COL11A1: variants seen among roughly 807,000 people sequenced by gnomAD.
COL11A1 encodes collagen type XI alpha 1 chain.
A neutral mutation model predicts 265.2 loss-of-function variants in COL11A1; 74 were observed. The ratio of observed to expected loss-of-function variants is 0.28; its 90% CI spans 0.23 to 0.34. COL11A1 has a LOEUF of 0.34. Ranked by LOEUF, COL11A1 falls within the 10% of genes least tolerant of loss-of-function variation. The probability of loss-of-function intolerance (pLI) is 1.00; values close to 1 mark genes in which losing one functional copy is unlikely to be tolerated. For missense variants in COL11A1, 2,165 were observed against 2,263.6 expected, an observed-to-expected ratio of 0.96 and a Z score of 0.88; for synonymous variants, 816 against 727.6, an observed-to-expected ratio of 1.12 and a Z score of -1.96.
At chr1:103,067,565 G>A (rs890098937) in intron 4 of COL11A1, among the ~76,000 whole-genome samples, 1 of 151,610 alleles carries the variant, frequency 6.6e-6, no homozygotes, top group Non-Finnish European at 1.5e-5. Flanking sequence ...TACTTTGAGA[G>A]GCTAGAGAAA....
In COL11A1 at chr1:102,972,678, G is replaced by T. The variant is rs574127424; in HGVS notation, c.2808+2152C>A. ...CTTCCCAGGCTTCCCCTTTGATCTA[G>T]CTGGTACAGGACAGAGAGAACAAAT... On this transcript the variant is annotated intron_variant, in intron 36 of 66. Coordinates refer to ENST00000370096, the MANE Select transcript of COL11A1 (RefSeq NM_001854.4). Among the ~76,000 whole-genome samples, 21 of 152,180 alleles carry T rather than the reference G, an allele frequency of 1.4e-4. 1 individual carries two copies. Among genetic ancestry groups the T allele is most frequent in the African/African-American group, 4.8e-4 (20 of 41,526 alleles).
chr1:103,082,413 G>A (rs987532598), intron 2 of COL11A1, among the ~76,000 whole-genome samples: 2 of 151,914 alleles, frequency 1.3e-5, no homozygotes, highest in Non-Finnish European at 2.9e-5. Context: ...GTCATTAAGG[G>A]GAAAGATTCC....
At position 102,888,497 on chromosome 1, in the gene COL11A1, T is replaced by C. The variant is rs1386811116; in HGVS notation, c.4608+80A>G. The stretch of plus-strand genomic sequence containing the variant: ...CTTTTGGCAGAATGTGCTTTTTGTC[T>C]ATCTTATAAGTTCAGAGAAATCATT... On this transcript the variant is annotated intron_variant, in intron 62 of 66. Coordinates refer to ENST00000370096, the MANE Select transcript of COL11A1 (RefSeq NM_001854.4). 2.9e-6 allele frequency: 4 copies of C among 1,359,296 alleles called. No individual in the cohort carries two copies. The Admixed American group carries it at 6.9e-5, about 23-fold the overall frequency. 84.2% of individuals were successfully genotyped at this position (1,359,296 alleles called of 1,614,324 possible).
chr1:103,092,813 A>G (rs930012716), intron 1 of COL11A1, among the ~76,000 whole-genome samples: 5 of 152,110 alleles, frequency 3.3e-5, no homozygotes, highest in African/African-American at 7.2e-5. Context: ...AGTACCATTA[A>G]TGTTTCACAT....
intron 42 of COL11A1, among the ~76,000 whole-genome samples, chr1:102,942,878 T>G (rs1054022894): frequency 6.6e-6 from 1 of 152,132 alleles, no homozygotes; most frequent in Admixed American, 6.6e-5. Context: ...ACTATAATTT[T>G]ATCTAGTCCT....
intron 30 of COL11A1, among the ~76,000 whole-genome samples, chr1:102,987,005 G>C (rs1404599003): frequency 6.6e-6 from 1 of 151,970 alleles, no homozygotes; most frequent in Non-Finnish European, 1.5e-5. Context: ...GATTCTACTT[G>C]GTGTAAAACC....
intron 4 of COL11A1, among the ~76,000 whole-genome samples, chr1:103,045,877 T>G (rs1001372028): frequency 6.6e-6 from 1 of 151,992 alleles, no homozygotes; most frequent in Non-Finnish European, 1.5e-5. Context: ...TTTGGTTTTT[T>G]GTCCTTGTGA....
At chr1:103,072,792 A>G (rs1187775295) in intron 4 of COL11A1, among the ~76,000 whole-genome samples, 3 of 151,742 alleles carry the variant, frequency 2.0e-5, no homozygotes, top group Admixed American at 6.6e-5. Context: ...TTAGAAAGTA[A>G]GACCTGAATC....
intron 1 of COL11A1, among the ~76,000 whole-genome samples, chr1:103,102,702 A>G (rs532698519): frequency 1.3e-5 from 2 of 152,154 alleles, no homozygotes; most frequent in Admixed American, 6.6e-5. Context: ...ATTGTATACA[A>G]TGATGGAGAT....
chr1:103,063,834 C>T (rs1049673536), intron 4 of COL11A1, among the ~76,000 whole-genome samples: 1 of 152,106 alleles, frequency 6.6e-6, no homozygotes, highest in African/African-American at 2.4e-5. Flanking sequence ...TTATCCAAAA[C>T]ATACAAAAAG....
At chr1:102,927,445 A>G (rs1043216646) in intron 46 of COL11A1, among the ~76,000 whole-genome samples, 4 of 152,130 alleles carry the variant, frequency 2.6e-5, no homozygotes, top group African/African-American at 7.2e-5. Context: ...GGCCAGGCGC[A>G]GTGGCTCACG....
intron 25 of COL11A1, among the ~76,000 whole-genome samples, chr1:102,997,632 C>G (rs1467595490): frequency 5.3e-5 from 8 of 151,468 alleles, no homozygotes; most frequent in African/African-American, 1.9e-4. Context: ...ACAATTATAC[C>G]CAATAACAAG....
chr1:102,898,024 T>A, intron 57 of COL11A1, 101 bp downstream of exon 57: 1 of 647,922 alleles, frequency 1.5e-6, no homozygotes, highest in East Asian at 3.7e-5. Context: ...TTAGAAAAAA[T>A]ACAAACCTAT....
At position 102,951,109 on chromosome 1, in the gene COL11A1, T is replaced by C. The variant is rs565466848; in HGVS notation, c.3169-4153A>G. 2.0e-5 allele frequency among the ~76,000 whole-genome samples: 3 copies of C among 152,290 alleles called. No individual in the cohort carries two copies. The South Asian group carries it at 6.2e-4, about 32-fold the overall frequency. ...TTATCTAGTCTCGGGCAGTTCTTTATAGCAGCACGAAAATGGACTGATATA... is the reference window on the plus strand; with the variant it reads ...TTATCTAGTCTCGGGCAGTTCTTTACAGCAGCACGAAAATGGACTGATATA... On this transcript the variant is annotated intron_variant, in intron 41 of 66. Transcript: ENST00000370096.
At chr1:103,047,347 G>A (rs947172300) in intron 4 of COL11A1, among the ~76,000 whole-genome samples, 2 of 152,060 alleles carry the variant, frequency 1.3e-5, no homozygotes, top group Non-Finnish European at 2.9e-5. Flanking sequence ...GGATTCCTAG[G>A]TATTTTATTC....
intron 54 of COL11A1, among the ~76,000 whole-genome samples, chr1:102,910,163 T>C (rs1654476732): frequency 6.6e-6 from 1 of 151,918 alleles, no homozygotes; most frequent in Admixed American, 6.6e-5. Context: ...TGTCTCTTTT[T>C]TATGTTTGCA....
At chr1:102,937,818 C>T (rs969459303) in intron 44 of COL11A1, among the ~76,000 whole-genome samples, 8 of 152,106 alleles carry the variant, frequency 5.3e-5, no homozygotes, top group Non-Finnish European at 1.0e-4. Flanking sequence ...AATTATCCAG[C>T]CTCGGGTATT....
At position 102,946,652 on chromosome 1, in the gene COL11A1, A is replaced by G. The variant is rs186154761; in HGVS notation, c.3276+197T>C. ...TCCCTCACAGGTATTACGGTTTCATAAAGTGTGGGAAAATGTCATCTCATT... is the reference window on the plus strand; with the variant it reads ...TCCCTCACAGGTATTACGGTTTCATGAAGTGTGGGAAAATGTCATCTCATT... On this transcript the variant is annotated intron_variant, in intron 42 of 66. Coordinates refer to ENST00000370096, the MANE Select transcript of COL11A1 (RefSeq NM_001854.4). Among the ~76,000 whole-genome samples, 750 of 152,238 alleles carry G rather than the reference A, an allele frequency of 4.9e-3. 3 individuals are homozygous for G. The highest frequency in any genetic ancestry group is 0.01 in the Middle Eastern group (3 of 294).
rs775242256 is a variant in COL11A1 at position 103,008,530 on chromosome 1, G to A, written c.1630-14C>T. The A allele has an allele frequency of 1.4e-5, 23 of 1,612,448 alleles. No individual in the cohort carries two copies. The East Asian group carries it at 3.8e-4, about 27-fold the overall frequency. ...ACCAGGCCCCCCCTATAGAGAAAAA[G>A]TGAAGATATTTCACTTAATTTAGCA... On this transcript the variant is annotated splice_polypyrimidine_tract_variant and intron_variant, in intron 14 of 66. Coordinates refer to ENST00000370096, the MANE Select transcript of COL11A1 (RefSeq NM_001854.4).
Sources: allele counts gnomAD v4.1 joint callset (sites outside exome capture counted in the v4.1 genomes callset), GRCh38; gene constraint gnomAD v4.1.1; transcripts MANE v1.5; gene names NCBI Gene and HGNC (gene_info 2026-07-23, HGNC 2026-07-21).